Variants in CCDC14 observed in about 807,000 individuals in gnomAD.
CCDC14 encodes the protein coiled-coil domain-containing protein 14.
A neutral mutation model predicts 81.4 loss-of-function variants in CCDC14; 71 were observed. The ratio of observed to expected loss-of-function variants is 0.87; its 90% CI spans 0.72 to 1.06. The LOEUF is 1.06. CCDC14 is among the 50% of genes least tolerant of loss of function. The pLI is 0.00. For missense variants in CCDC14, 1,046 were observed against 1,047.3 expected, an observed-to-expected ratio of 1.00 and a Z score of 0.02; for synonymous variants, 332 against 364.8, an observed-to-expected ratio of 0.91 and a Z score of 1.03.
chr3:123,929,750 C>T (rs1014499771), intron 12 of CCDC14, among the ~76,000 whole-genome samples: 4 of 152,168 alleles, frequency 2.6e-5, no homozygotes, highest in African/African-American at 9.7e-5. Flanking sequence ...GCAGTCATTT[C>T]CCATTCTACA....
At chr3:123,900,830 T>A (rs1308307646) in intron 5 of CCDC14, among the ~76,000 whole-genome samples, 2 of 152,108 alleles carry the variant, frequency 1.3e-5, no homozygotes, top group Non-Finnish European at 2.9e-5. Context: ...TTTAATGTAG[T>A]TCCAATTAGA....
intron 8 of CCDC14, among the ~76,000 whole-genome samples, chr3:123,945,244 T>C (rs1312449455): frequency 2.0e-5 from 3 of 151,958 alleles, no homozygotes; most frequent in Non-Finnish European, 4.4e-5. Flanking sequence ...ATTACATAAG[T>C]GATTTTTTTT....
At chr3:123,960,920 G>C (rs1306416387) in intron 1 of CCDC14, among the ~76,000 whole-genome samples, 2 of 152,180 alleles carry the variant, frequency 1.3e-5, no homozygotes, top group African/African-American at 2.4e-5. Flanking sequence ...CCCAAAGCCG[G>C]CGCTCTAGAC....
At chr3:123,889,378 C>T in the CCDC14 span, among the ~76,000 whole-genome samples, 1 of 152,142 alleles carries the variant, frequency 6.6e-6, no homozygotes, top group Admixed American at 6.5e-5. Flanking sequence ...TGATACTGCA[C>T]TCCTGTCTGG....
At chr3:123,913,410 C>T (rs184174457), downstream of CCDC14, 514 of 983,132 alleles carry the variant, frequency 5.2e-4, 3 homozygotes, top group South Asian at 8.9e-3. Context: ...TGGGAGTAGA[C>T]AGATGACACA....
At chr3:123,923,447 GA>G (rs1349693094) in intron 12 of CCDC14, among the ~76,000 whole-genome samples, 1 of 151,156 alleles carries the variant, frequency 6.6e-6, no homozygotes. Context: ...TTATGCAAGA[GA>G]AAAAAAATAG....
chr3:123,960,983 C>G (rs2037649657), intron 1 of CCDC14, among the ~76,000 whole-genome samples, 161 bp downstream of exon 1: 1 of 152,136 alleles, frequency 6.6e-6, no homozygotes, highest in Non-Finnish European at 1.5e-5. Context: ...GGCCGTGTTA[C>G]GACGGGAAGA....
intron 12 of CCDC14, among the ~76,000 whole-genome samples, chr3:123,923,388 C>T (rs1013713989): frequency 1.3e-5 from 2 of 151,928 alleles, no homozygotes; most frequent in Admixed American, 6.6e-5. Flanking sequence ...AGAAGGCCCA[C>T]TCTCACCACT....
At chr3:123,929,290 T>C (rs2035565574) in intron 12 of CCDC14, among the ~76,000 whole-genome samples, 1 of 152,094 alleles carries the variant, frequency 6.6e-6, no homozygotes, top group South Asian at 2.1e-4. Context: ...TAACAGTTTA[T>C]TGAGATATTA....
the CCDC14 span, among the ~76,000 whole-genome samples, chr3:123,892,097 G>A: frequency 4.9e-4 from 75 of 152,228 alleles, 1 homozygote; most frequent in Middle Eastern, 6.8e-3. Context: ...GGAAAGACCC[G>A]CCCCCATGAT....
intron 7 of CCDC14, among the ~76,000 whole-genome samples, chr3:123,947,962 CAT>C (rs892417246): frequency 2.6e-5 from 4 of 151,944 alleles, no homozygotes; most frequent in African/African-American, 9.7e-5. Context: ...TATTAATAAA[CAT>C]GTTTTTAATA....
downstream of CCDC14, chr3:123,913,288 C>T (rs186997509): frequency 3.9e-5 from 26 of 669,550 alleles, no homozygotes; most frequent in South Asian, 6.7e-5. Flanking sequence ...AACACACAAG[C>T]GTTTAAAAAT....
intron 5 of CCDC14, chr3:123,953,302 T>C (rs2037138024): frequency 6.6e-6 from 1 of 152,254 alleles, no homozygotes; most frequent in Non-Finnish European, 1.5e-5. Context: ...TGAGGTAATG[T>C]TTCCCTCTGG....
chr3:123,953,562 A>C (rs987793813), intron 5 of CCDC14: 2 of 152,208 alleles, frequency 1.3e-5, no homozygotes, highest in African/African-American at 4.8e-5. Flanking sequence ...TCCATGACAC[A>C]GTAAGACTAA....
the CCDC14 span, among the ~76,000 whole-genome samples, chr3:123,892,241 A>G: frequency 1.3e-5 from 2 of 152,202 alleles, no homozygotes; most frequent in Non-Finnish European, 2.9e-5. Context: ...GTGCACCCCC[A>G]GGCCCAACAC....
intron 7 of CCDC14, among the ~76,000 whole-genome samples, chr3:123,948,191 C>T (rs543382088): frequency 1.3e-3 from 191 of 151,344 alleles, no homozygotes; most frequent in Non-Finnish European, 2.2e-3. Flanking sequence ...TCCCCTCTTT[C>T]TCCTTCATTA....
intron 1 of CCDC14, chr3:123,958,856 A>G (rs2037498014): frequency 6.6e-6 from 1 of 152,092 alleles, no homozygotes. Flanking sequence ...TATGAGTTTT[A>G]ACTATTTAGG....
chr3:123,931,116 T>C lies in CCDC14; in HGVS notation c.1764A>G (p.Leu588=). 1 of 1,584,746 alleles carries C rather than the reference T, an allele frequency of 6.3e-7. No homozygotes were observed. Among genetic ancestry groups the C allele is most frequent in the Non-Finnish European group, 8.5e-7 (1 of 1,172,780 alleles). The change falls in exon 12 of 13, where the codon CTA becomes CTG. Residue 588 remains leucine, a synonymous_variant. Transcript: ENST00000409697. The part of the protein sequence containing the change: ...LRQRDAEVTR[L]RELTRTLQTS... ...GTCAATTTTACCTGGTTAATTCTCT[T>C]AGTCGAGTCACCTCAGCATCACGCT...
downstream of CCDC14, among the ~76,000 whole-genome samples, chr3:123,895,225 T>A (rs1559751706): frequency 6.6e-6 from 1 of 152,194 alleles, no homozygotes; most frequent in Non-Finnish European, 1.5e-5. Flanking sequence ...CCCATCTGTC[T>A]ATGCACATCC....
Sources: allele counts gnomAD v4.1 joint callset (sites outside exome capture counted in the v4.1 genomes callset), GRCh38; gene constraint gnomAD v4.1.1; transcripts MANE v1.5; gene names NCBI Gene and HGNC (gene_info 2026-07-23, HGNC 2026-07-21).